The following CBX5 variants were observed in gnomAD, a reference collection of about 807,000 sequenced individuals.
CBX5 encodes the protein chromobox 5.
A neutral mutation model predicts 20.7 loss-of-function variants in CBX5; 7 were observed. The ratio of observed to expected loss-of-function variants is 0.34; its 90% CI spans 0.19 to 0.63. CBX5 has a LOEUF of 0.63. Ranked by LOEUF, CBX5 falls within the 30% of genes least tolerant of loss-of-function variation. CBX5 has a pLI of 0.75. For synonymous variants in CBX5, 78 were observed against 77.0 expected (o/e 1.01, Z -0.07); for missense variants, 110 against 224.1 (o/e 0.49, Z 3.25).
At position 54,231,490 on chromosome 12, in the gene CBX5, G is replaced by T. The variant is rs1285103208; in HGVS notation, c.*10265C>A. On this transcript the variant is annotated 3_prime_UTR_variant, in exon 5 of 5. Coordinates refer to ENST00000209875, the MANE Select transcript of CBX5 (RefSeq NM_012117.3). ...GAGAGCAGAGTCCACAAAACACAGA[G>T]AACCAGAATGTGACCGCAAGGAGCC... is the stretch of plus-strand genomic sequence containing the variant. 1 of 154,638 alleles carries T rather than the reference G, an allele frequency of 6.5e-6. No homozygotes were observed. Among genetic ancestry groups the T allele is most frequent in the Non-Finnish European group, 1.5e-5 (1 of 68,096 alleles). The allele number at this position is 154,638 out of a possible 1,614,324, so 9.6% of individuals were successfully genotyped here. A position where few individuals can be genotyped will look rare whatever the true frequency, so the allele number is the denominator to read the frequency against.
rs149457688 is a variant in CBX5, at chr12:54,252,264, G to T, written c.138-37C>A. 1,063 of 1,473,616 alleles carry T rather than the reference G, an allele frequency of 7.2e-4. 12 individuals carry two copies. The African/African-American group carries it at 0.014, about 19-fold the overall frequency. 91.3% of individuals were successfully genotyped at this position (1,473,616 alleles called of 1,614,324 possible). ...AAATGGGAAAATTAAAAAAAAAAGG[G>T]GGGGGTAAAGAATGAGGAAAAAAAT... On this transcript the variant is annotated intron_variant, in intron 2 of 4. Transcript: ENST00000209875.
At chr12:54,277,688 A>T (rs1287938233) in intron 1 of CBX5, among the ~76,000 whole-genome samples, 1 of 152,214 alleles carries the variant, frequency 6.6e-6, no homozygotes, top group Non-Finnish European at 1.5e-5. Context: ...TGGAACAATG[A>T]TCAATTCTGT....
chr12:54,264,150 C>T (rs1209529569), intron 1 of CBX5, among the ~76,000 whole-genome samples: 2 of 152,218 alleles, frequency 1.3e-5, no homozygotes, highest in Non-Finnish European at 2.9e-5. Context: ...AGGTTCTACT[C>T]TCATCCCTCC....
At chr12:54,264,095 A>G (rs1257121439) in intron 1 of CBX5, among the ~76,000 whole-genome samples, 1 of 152,208 alleles carries the variant, frequency 6.6e-6, no homozygotes, top group Non-Finnish European at 1.5e-5. Flanking sequence ...TAATGCTGGA[A>G]GAACCCACAT....
At chr12:54,277,516 T>G (rs1944081282) in intron 1 of CBX5, among the ~76,000 whole-genome samples, 1 of 151,940 alleles carries the variant, frequency 6.6e-6, no homozygotes, top group South Asian at 2.1e-4. Context: ...AATTTTTGTT[T>G]TTAGTAGAGA....
chr12:54,279,078 C>G (rs1009429607), intron 1 of CBX5: 1 of 152,166 alleles, frequency 6.6e-6, no homozygotes, highest in Non-Finnish European at 1.5e-5. Flanking sequence ...TAATCTGCCT[C>G]GATCCTACTG....
chr12:54,243,123 C>CAAA (rs1383995469), intron 4 of CBX5, among the ~76,000 whole-genome samples: 1 of 150,080 alleles, frequency 6.7e-6, no homozygotes, highest in Non-Finnish European at 1.5e-5. Flanking sequence ...GACCCTGTCT[C>CAAA]AAAATAAATA....
intron 1 of CBX5, among the ~76,000 whole-genome samples, chr12:54,263,376 C>T (rs577993396): frequency 1.3e-5 from 2 of 150,052 alleles, no homozygotes; most frequent in East Asian, 4.0e-4. Flanking sequence ...AAAAACCAAA[C>T]AAAAAACTTA....
chr12:54,249,149 T>C (rs912091491), intron 3 of CBX5, among the ~76,000 whole-genome samples: 2 of 152,128 alleles, frequency 1.3e-5, no homozygotes, highest in Non-Finnish European at 2.9e-5. Flanking sequence ...GATGGGCGGA[T>C]AACGAGGTCA....
At chr12:54,268,668 T>C (rs1008492134) in intron 1 of CBX5, among the ~76,000 whole-genome samples, 5 of 152,348 alleles carry the variant, frequency 3.3e-5, no homozygotes, top group African/African-American at 9.6e-5. Context: ...CTATTCCAGT[T>C]TCCAATTTTA....
chr12:54,248,527 C>G (rs76163913), intron 3 of CBX5, among the ~76,000 whole-genome samples: 8 of 152,260 alleles, frequency 5.3e-5, no homozygotes, highest in African/African-American at 1.7e-4. Context: ...GGACATTCCA[C>G]GCGTGGATCA....
intron 2 of CBX5, among the ~76,000 whole-genome samples, chr12:54,256,455 C>T (rs1401655327): frequency 6.6e-6 from 1 of 152,204 alleles, no homozygotes; most frequent in East Asian, 1.9e-4. Context: ...GAAATAACCT[C>T]CAGTATGTTT....
intron 1 of CBX5, among the ~76,000 whole-genome samples, chr12:54,276,100 C>T (rs190809860): frequency 2.6e-5 from 4 of 151,580 alleles, no homozygotes; most frequent in East Asian, 3.9e-4. Flanking sequence ...GCAGTTTTCA[C>T]TTGCACACGA....
intron 3 of CBX5, among the ~76,000 whole-genome samples, chr12:54,248,916 G>A (rs574378077): frequency 2.6e-5 from 4 of 152,144 alleles, no homozygotes; most frequent in Non-Finnish European, 5.9e-5. Flanking sequence ...ACAGCAGCCA[G>A]TACTGCTAAG....
Position 54,236,470 on chromosome 12 carries a change from T to C in CBX5, c.*5285A>G, listed in dbSNP as rs533957282. The stretch of plus-strand genomic sequence containing the variant: ...GGGGCATCTAATTCAGAACATGTTT[T>C]TGGGTGTAAGGCTAGTATCATCTAC... On this transcript the variant is annotated 3_prime_UTR_variant, in exon 5 of 5. Transcript: ENST00000209875. 5.3e-5 allele frequency: 8 copies of C among 152,300 alleles called. No individual in the cohort carries two copies. The highest frequency in any genetic ancestry group is 1.9e-4 in the African/African-American group (8 of 41,562). The allele number at this position is 152,300 out of a possible 1,614,324, so 9.4% of individuals were successfully genotyped here. A position where few individuals can be genotyped will look rare whatever the true frequency, so the allele number is the denominator to read the frequency against.
rs749336447 is a variant in CBX5 at position 54,232,284 on chromosome 12, A to T, written c.*9471T>A. 1.3e-5 allele frequency: 2 copies of T among 152,346 alleles called. No homozygotes were observed. Among genetic ancestry groups the T allele is most frequent in the African/African-American group, 2.4e-5 (1 of 41,450 alleles). 9.4% of individuals were successfully genotyped at this position (152,346 alleles called of 1,614,324 possible). A position where few individuals can be genotyped will look rare whatever the true frequency, so the allele number is the denominator to read the frequency against. ...GCAGCTTTGATGAGGGGTGGGGGGC[A>T]GAAAATTTGCCGAGTCACTAAGTAG... On this transcript the variant is annotated 3_prime_UTR_variant, in exon 5 of 5. Transcript: ENST00000209875.
intron 2 of CBX5, among the ~76,000 whole-genome samples, chr12:54,255,207 G>A (rs773061203): frequency 2.6e-5 from 4 of 152,116 alleles, no homozygotes; most frequent in Admixed American, 6.6e-5. Context: ...CAGGCAGATC[G>A]CTTGAACCCA....
At position 54,241,878 on chromosome 12, in the gene CBX5, A is replaced by C; in HGVS notation, c.453T>G (p.Val151=). 1 of 1,613,620 alleles carries C rather than the reference A, an allele frequency of 6.2e-7. No homozygotes were observed. Among genetic ancestry groups the C allele is most frequent in the Non-Finnish European group, 8.5e-7 (1 of 1,179,956 alleles). The change falls in exon 5 of 5, where the codon GTT becomes GTG. Residue 151 remains valine (V), a synonymous_variant. Coordinates refer to ENST00000209875, the MANE Select transcript of CBX5 (RefSeq NM_012117.3). ...KWKDTDEADL[V]LAKEANVKCP... is the part of the protein sequence containing the mutation. ...ATTTCACATTAGCTTCTTTTGCAAG[A>C]ACCAGGTCAGCTTCATCTGTGTCTT... is the stretch of plus-strand genomic sequence containing the variant.
rs1048822407 is a variant in CBX5, at chr12:54,236,753, A to C, written c.*5002T>G. 6.6e-6 allele frequency: 1 copy of C among 152,190 alleles called. No individual in the cohort carries two copies. Among genetic ancestry groups the C allele is most frequent in the African/African-American group, 2.4e-5 (1 of 41,456 alleles). The allele number at this position is 152,190 out of a possible 1,614,324, so 9.4% of individuals were successfully genotyped here. On this transcript the variant is annotated 3_prime_UTR_variant, in exon 5 of 5. Coordinates refer to ENST00000209875, the MANE Select transcript of CBX5 (RefSeq NM_012117.3). ...TCTAACGGTGTTCTCATGACATTGCAAAGTAGTATTTTATGCCCTCAAAAC... is the reference window on the plus strand; with the variant it reads ...TCTAACGGTGTTCTCATGACATTGCCAAGTAGTATTTTATGCCCTCAAAAC...
Sources: allele counts gnomAD v4.1 joint callset (sites outside exome capture counted in the v4.1 genomes callset), GRCh38; gene constraint gnomAD v4.1.1; transcripts MANE v1.5; gene names NCBI Gene and HGNC (gene_info 2026-07-23, HGNC 2026-07-21).